SOX6: variants seen among roughly 807,000 people sequenced by gnomAD.
SOX6 encodes the protein SRY-box transcription factor 6.
Under a neutral mutation model 97.8 loss-of-function variants are expected in SOX6, and 11 were observed. The observed-to-expected ratio is 0.11, with a 90% CI of 0.07 to 0.19. The LOEUF (loss-of-function observed/expected upper bound fraction) is 0.19. Among genes scored for constraint, SOX6 ranks in the 10% least tolerant of loss-of-function variants. The pLI is 1.00. For missense variants in SOX6, 810 were observed against 1,039.5 expected (o/e 0.78, Z 3.04); for synonymous variants, 360 against 371.4 (o/e 0.97, Z 0.35).
rs1853015565 is a variant in SOX6, at chr11:16,236,199, T to C, written c.446-1528A>G. Among the ~76,000 whole-genome samples the C allele has an allele frequency of 3.3e-5, 5 of 152,204 alleles. 1 individual carries two copies. In the South Asian group the frequency reaches 1.0e-3, roughly 32 times the overall value. The stretch of plus-strand genomic sequence containing the variant: ...TGCTTCAAAATTGGATTCTGAGTGA[T>C]GTTCCAATGGAGCCTACATGCAGAT... On this transcript the variant is annotated intron_variant, in intron 3 of 15. Coordinates refer to ENST00000683767, the MANE Select transcript of SOX6 (RefSeq NM_001367873.1).
chr11:16,664,364 GA>G (rs1390610294), intron 3 of SOX6, among the ~76,000 whole-genome samples: 1 of 152,182 alleles, frequency 6.6e-6, no homozygotes, highest in Non-Finnish European at 1.5e-5. Context: ...AAGGAGTGGA[GA>G]AAGAATCTGT....
At chr11:16,329,913 C>T (rs557776586) in intron 2 of SOX6, among the ~76,000 whole-genome samples, 5 of 152,228 alleles carry the variant, frequency 3.3e-5, no homozygotes, top group African/African-American at 7.2e-5. Flanking sequence ...TCCATGGAAA[C>T]ATTCAGAATG....
intron 7 of SOX6, among the ~76,000 whole-genome samples, chr11:16,101,071 C>A (rs1260029842): frequency 6.6e-6 from 1 of 151,620 alleles, no homozygotes; most frequent in African/African-American, 2.4e-5. Context: ...TAATAAGTTG[C>A]CAAACAACTA....
At chr11:16,374,717 C>T (rs35503644) in intron 1 of SOX6, among the ~76,000 whole-genome samples, 47,183 of 151,824 alleles carry the variant, frequency 0.31, 8,304 homozygotes, top group Non-Finnish European at 0.4. Context: ...AATTATGTGC[C>T]TGTGATAAAT....
intron 9 of SOX6, among the ~76,000 whole-genome samples, chr11:16,074,651 C>T (rs1169547527): frequency 2.6e-5 from 4 of 152,032 alleles, no homozygotes; most frequent in Admixed American, 2.6e-4. Context: ...ATACAACTAA[C>T]CAGGGAGGGG....
At chr11:16,104,679 G>A (rs1480695282) in intron 7 of SOX6, among the ~76,000 whole-genome samples, 1 of 151,448 alleles carries the variant, frequency 6.6e-6, no homozygotes, top group Non-Finnish European at 1.5e-5. Context: ...CAGGTTGGGG[G>A]TTATCTTGGA....
chr11:16,078,999 A>G (rs1487333941), intron 9 of SOX6, among the ~76,000 whole-genome samples: 1 of 152,192 alleles, frequency 6.6e-6, no homozygotes, highest in Non-Finnish European at 1.5e-5. Flanking sequence ...CTTATATACC[A>G]TGAAACCGAC....
chr11:16,496,461 G>A (rs1860597991), intron 4 of SOX6, among the ~76,000 whole-genome samples: 1 of 152,212 alleles, frequency 6.6e-6, no homozygotes, highest in African/African-American at 2.4e-5. Flanking sequence ...GGGAGTTTCG[G>A]AAAGTGGGTG....
chr11:16,451,007 G>C (rs757891323), intron 1 of SOX6, among the ~76,000 whole-genome samples: 38 of 152,186 alleles, frequency 2.5e-4, no homozygotes, highest in Non-Finnish European at 4.3e-4. Context: ...GCTAAGGCAG[G>C]TGGATTGCTT....
At chr11:16,127,932 C>T (rs962640537) in intron 6 of SOX6, among the ~76,000 whole-genome samples, 2 of 152,176 alleles carry the variant, frequency 1.3e-5, no homozygotes, top group African/African-American at 2.4e-5. Context: ...TTCTATTAGA[C>T]TGATTCAGTC....
intron 3 of SOX6, among the ~76,000 whole-genome samples, chr11:16,306,128 G>A (rs1855425958): frequency 6.6e-6 from 1 of 152,130 alleles, no homozygotes; most frequent in African/African-American, 2.4e-5. Flanking sequence ...TACAAATGGA[G>A]AGACAAGAGG....
intron 4 of SOX6, among the ~76,000 whole-genome samples, chr11:16,507,504 T>G (rs1395251850): frequency 6.6e-6 from 1 of 152,214 alleles, no homozygotes; most frequent in Admixed American, 6.6e-5. Flanking sequence ...TAATGCTATC[T>G]GACTTCAAAA....
At chr11:16,109,027 GA>G (rs551799525) in intron 7 of SOX6, among the ~76,000 whole-genome samples, 3 of 149,500 alleles carry the variant, frequency 2.0e-5, no homozygotes, top group South Asian at 2.1e-4. Flanking sequence ...AGTGGAAAGG[GA>G]AAAAAAAAGG....
intron 4 of SOX6, among the ~76,000 whole-genome samples, chr11:16,586,953 G>A (rs772231041): frequency 8.5e-5 from 13 of 152,190 alleles, no homozygotes; most frequent in Non-Finnish European, 1.9e-4. Flanking sequence ...TGAGAATTGT[G>A]TAAAGTTGGG....
chr11:16,111,188 G>C (rs1389663759), intron 7 of SOX6, among the ~76,000 whole-genome samples: 5 of 152,150 alleles, frequency 3.3e-5, no homozygotes, highest in Non-Finnish European at 7.4e-5. Context: ...TTCCCCAGGA[G>C]TCCAGTAAAC....
chr11:16,614,451 C>G (rs949934032), intron 3 of SOX6, among the ~76,000 whole-genome samples: 1 of 152,164 alleles, frequency 6.6e-6, no homozygotes, highest in African/African-American at 2.4e-5. Flanking sequence ...GCTCTATAGT[C>G]GCCCATTTCT....
rs114168186 is a variant in SOX6, at chr11:16,394,055, C to G, written c.-4-52803G>C. On this transcript the variant is annotated intron_variant, in intron 1 of 15. Transcript: ENST00000396356. The stretch of plus-strand genomic sequence containing the variant: ...AGCTGTGAAACAAAGATAATAATAG[C>G]TCTACTTTAACCATTTCACAGGATT... Among the ~76,000 whole-genome samples, 247 of 152,052 alleles carry G rather than the reference C, an allele frequency of 1.6e-3. 2 individuals carry two copies. Among genetic ancestry groups the G allele is most frequent in the African/African-American group, 5.9e-3 (243 of 41,526 alleles).
rs143720903 is a variant in SOX6, at chr11:16,384,765, G to A, written c.-4-43513C>T. 7.1e-4 allele frequency among the ~76,000 whole-genome samples: 108 copies of A among 151,956 alleles called. 1 individual carries two copies. The highest frequency in any genetic ancestry group is 2.3e-3 in the African/African-American group (96 of 41,502). On this transcript the variant is annotated intron_variant, in intron 1 of 15. Coordinates refer to the SOX6 transcript ENST00000396356. ...CATGTAATCACTGACATTGAACAACGGGAAAAAAAGAATGGCAGCATAGAA... is the reference window on the plus strand; with the variant it reads ...CATGTAATCACTGACATTGAACAACAGGAAAAAAAGAATGGCAGCATAGAA...
intron 4 of SOX6, among the ~76,000 whole-genome samples, chr11:16,565,903 T>C (rs1847868489): frequency 6.6e-6 from 1 of 152,154 alleles, no homozygotes; most frequent in East Asian, 1.9e-4. Context: ...GAGACCATCC[T>C]GGCTAACATG....
Sources: gnomAD v4.1 joint callset for allele counts (sites outside exome capture counted in the v4.1 genomes callset) on GRCh38, gnomAD v4.1.1 for gene constraint, MANE v1.5 for transcripts, NCBI Gene and HGNC (gene_info 2026-07-23, HGNC 2026-07-21) for gene names.